Variants in ZNF468 observed in about 807,000 individuals in gnomAD.
The protein encoded by ZNF468 is zinc finger protein ZNF468.
A neutral mutation model predicts 7.2 loss-of-function variants in ZNF468; 8 were observed. The ratio of observed to expected loss-of-function variants is 1.11; its 90% CI spans 0.65 to 2.01. ZNF468 has a LOEUF of 2.01. Ranked by LOEUF, ZNF468 falls within the 30% of genes most tolerant of loss-of-function variation. The pLI is 0.00. For synonymous variants in ZNF468, 218 were observed against 214.4 expected (o/e 1.02, Z -0.15); for missense variants, 608 against 626.5 (o/e 0.97, Z 0.31).
chr19:52,851,788 T>C (rs745743324), intron 2 of ZNF468, among the ~76,000 whole-genome samples: 1 of 151,922 alleles, frequency 6.6e-6, no homozygotes, highest in East Asian at 1.9e-4. Context: ...AGTACAAAAA[T>C]CTGTTTTGTA....
At position 52,840,507 on chromosome 19, in the gene ZNF468, G is replaced by T. The variant is rs1344428763; in HGVS notation, c.*218C>A. ...CTCTTCAATGTGAATTTTCTTATGT[G>T]TTTTAAGGTTTGATTTACAACTGAA... On this transcript the variant is annotated 3_prime_UTR_variant, in exon 4 of 4. Coordinates refer to ENST00000595646, the MANE Select transcript of ZNF468 (RefSeq NM_001008801.2). 1.0e-6 allele frequency: 1 copy of T among 982,632 alleles called. No homozygotes were observed. The highest frequency in any genetic ancestry group is 1.6e-6 in the Non-Finnish European group (1 of 642,040). 60.9% of individuals were successfully genotyped at this position (982,632 alleles called of 1,614,324 possible). A position where few individuals can be genotyped will look rare whatever the true frequency, so the allele number is the denominator to read the frequency against.
At chr19:52,842,208 G>A in intron 3 of ZNF468, 57 bp from the exon 4 acceptor site, 1 of 1,376,902 alleles carries the variant, frequency 7.3e-7, no homozygotes, top group Non-Finnish European at 9.8e-7. Flanking sequence ...ATATAATACT[G>A]AAATGTGTAA....
intron 3 of ZNF468, among the ~76,000 whole-genome samples, chr19:52,846,155 C>T (rs1032263497): frequency 3.3e-5 from 5 of 152,062 alleles, no homozygotes; most frequent in African/African-American, 1.2e-4. Context: ...GCAACATACA[C>T]AGAAATAATT....
At chr19:52,849,413 C>A (rs1393252359) in intron 2 of ZNF468, 200 bp from the exon 3 acceptor site, 3 of 1,044,816 alleles carry the variant, frequency 2.9e-6, no homozygotes, top group East Asian at 2.8e-5. Context: ...GACATACTCT[C>A]AGTATAAATT....
chr19:52,839,849 T>G lies in ZNF468; in HGVS notation c.*876A>C. 1 of 634,948 alleles carries G rather than the reference T, an allele frequency of 1.6e-6. No individual in the cohort carries two copies. The highest frequency in any genetic ancestry group is 3.0e-4 in the Middle Eastern group (1 of 3,288). 39.3% of individuals were successfully genotyped at this position (634,948 alleles called of 1,614,324 possible). A position where few individuals can be genotyped will look rare whatever the true frequency, so the allele number is the denominator to read the frequency against. On this transcript the variant is annotated 3_prime_UTR_variant, in exon 4 of 4. Transcript: ENST00000595646. ...CAAGGCATGAACGATGTCTGAAAAA[T>G]TTGCCACATTTATTACACTTGTAAG...
In ZNF468 at chr19:52,841,710, T is replaced by A; in HGVS notation, c.584A>T (p.Asn195Ile). ...TGTGAGTAATGAAGAATGGAGGGAA[T>A]TATTTCCATACTTATTAGAAATATG... ...KTHISNKYGN[N>I]SLHSSLLTQK... Residue 195 changes from asparagine to isoleucine, a missense_variant, in exon 4 of 4, where the codon AAT becomes ATT. Coordinates refer to ENST00000595646, the MANE Select transcript of ZNF468 (RefSeq NM_001008801.2). 1 of 1,614,126 alleles carries A rather than the reference T, an allele frequency of 6.2e-7. No individual in the cohort carries two copies. The highest frequency in any genetic ancestry group is 8.5e-7 in the Non-Finnish European group (1 of 1,180,026).
chr19:52,846,073 A>G (rs1360000551), intron 3 of ZNF468, among the ~76,000 whole-genome samples: 1 of 152,192 alleles, frequency 6.6e-6, no homozygotes, highest in Non-Finnish European at 1.5e-5. Context: ...CCTTTTCTTC[A>G]TAACTAAACT....
chr19:52,845,019 C>A (rs1397939423), intron 3 of ZNF468, among the ~76,000 whole-genome samples: 4 of 152,148 alleles, frequency 2.6e-5, no homozygotes, highest in Admixed American at 2.0e-4. Flanking sequence ...AACCTTGAGA[C>A]AGGCAAAGTG....
chr19:52,843,199 T>C lies in ZNF468; in HGVS notation c.143-1048A>G, dbSNP rs191581578. ...TGTTACAAAATTACCTATATCCATG[T>C]GGAACAGTTATGTTGTGACTTTTTA... On this transcript the variant is annotated intron_variant, in intron 3 of 3. Transcript: ENST00000595646. 9.5e-4 allele frequency among the ~76,000 whole-genome samples: 144 copies of C among 151,966 alleles called. 1 individual carries two copies. Among genetic ancestry groups the C allele is most frequent in the Admixed American group, 4.1e-3 (63 of 15,236 alleles).
chr19:52,849,482 G>C (rs994738306), intron 2 of ZNF468: 5 of 665,724 alleles, frequency 7.5e-6, no homozygotes, highest in Non-Finnish European at 1.1e-5. Flanking sequence ...TAGGGTTCCT[G>C]TTATAAAAAT....
At position 52,841,316 on chromosome 19, in the gene ZNF468, T is replaced by C. The variant is rs1243086480; in HGVS notation, c.978A>G (p.Pro326=). 2 of 1,613,076 alleles carry C rather than the reference T, an allele frequency of 1.2e-6. No homozygotes were observed. The highest frequency in any genetic ancestry group is 1.7e-5 in the Admixed American group (1 of 59,908). ...CCTCATCACAAACCTTACATTTGTA[T>C]GGTTTCTCTCCAGTATGAATCCTCT... ...RHKRIHTGEK[P]YKCKVCDEAF... Residue 326 remains proline (P), a synonymous_variant, in exon 4 of 4, where the codon CCA becomes CCG. Coordinates refer to ENST00000595646, the MANE Select transcript of ZNF468 (RefSeq NM_001008801.2).
At chr19:52,843,940 C>T (rs753566258) in intron 3 of ZNF468, among the ~76,000 whole-genome samples, 7 of 151,822 alleles carry the variant, frequency 4.6e-5, no homozygotes, top group African/African-American at 1.5e-4. Flanking sequence ...GACAACATGG[C>T]GACACACCAT....
Position 52,841,543 on chromosome 19 carries a change from C to A in ZNF468, c.751G>T (p.Val251Phe), listed in dbSNP as rs755267088. The change falls in exon 4 of 4, where the codon GTC becomes TTC. Residue 251 changes from valine (V) to phenylalanine (F), a missense_variant. Transcript: ENST00000595646. Reference sequence around the variant, plus strand: ...GCAAGGTATCGCTTCTGATTAAAGACCTTGCCACATACATCACATTTACAT... The same window carrying A: ...GCAAGGTATCGCTTCTGATTAAAGAACTTGCCACATACATCACATTTACAT... ...KQCKCDVCGK[V>F]FNQKRYLACH... 6.2e-7 allele frequency: 1 copy of A among 1,614,090 alleles called. No homozygotes were observed. Among genetic ancestry groups the A allele is most frequent in the Non-Finnish European group, 8.5e-7 (1 of 1,180,016 alleles).
intron 2 of ZNF468, chr19:52,853,722 G>T: frequency 3.1e-6 from 1 of 322,022 alleles, no homozygotes; most frequent in Non-Finnish European, 4.6e-6. Context: ...AATGATTCAT[G>T]AATTATTCAT....
chr19:52,857,093 A>G (rs56371813), intron 1 of ZNF468, among the ~76,000 whole-genome samples: 1 of 150,098 alleles, frequency 6.7e-6, no homozygotes, highest in African/African-American at 2.5e-5. Flanking sequence ...GGGGAGCAGC[A>G]GGGCCCAGCA....
At chr19:52,852,101 C>T (rs1181531914) in intron 2 of ZNF468, among the ~76,000 whole-genome samples, 1 of 152,060 alleles carries the variant, frequency 6.6e-6, no homozygotes, top group Non-Finnish European at 1.5e-5. Flanking sequence ...CACAGTGGCT[C>T]ACACTTGTAA....
At chr19:52,845,508 A>C (rs2063335721) in intron 3 of ZNF468, among the ~76,000 whole-genome samples, 1 of 151,746 alleles carries the variant, frequency 6.6e-6, no homozygotes, top group Non-Finnish European at 1.5e-5. Context: ...AAAATACAAA[A>C]ATTAGCTGGG....
At chr19:52,844,554 C>T (rs2063328586) in intron 3 of ZNF468, among the ~76,000 whole-genome samples, 1 of 152,022 alleles carries the variant, frequency 6.6e-6, no homozygotes, top group African/African-American at 2.4e-5. Flanking sequence ...ATTCTCCCTC[C>T]TCAGCCCAGG....
intron 2 of ZNF468, among the ~76,000 whole-genome samples, chr19:52,850,866 T>C (rs2063383935): frequency 6.6e-6 from 1 of 151,734 alleles, no homozygotes; most frequent in African/African-American, 2.4e-5. Context: ...GCCACTGCAC[T>C]CCAGCCTGGG....
Sources: gnomAD v4.1 joint callset for allele counts (sites outside exome capture counted in the v4.1 genomes callset) on GRCh38, gnomAD v4.1.1 for gene constraint, MANE v1.5 for transcripts, NCBI Gene and HGNC (gene_info 2026-07-23, HGNC 2026-07-21) for gene names.